Variants in OTOF observed in about 807,000 individuals in gnomAD.
OTOF encodes the protein fer-1-like family member 2.
A neutral mutation model predicts 236.8 loss-of-function variants in OTOF; 218 were observed. That is an observed-to-expected ratio of 0.92 (90% confidence interval 0.82 to 1.03). The LOEUF is 1.03. OTOF is among the 50% of genes least tolerant of loss of function. The pLI, the probability that OTOF is intolerant of heterozygous loss-of-function variation, is 0.00. For synonymous variants in OTOF, 1,041 were observed against 1,072.5 expected, an observed-to-expected ratio of 0.97 and a Z score of 0.57; for missense variants, 2,590 against 2,694.4, an observed-to-expected ratio of 0.96 and a Z score of 0.86.
chr2:26,463,816 C>A, intron 40 of OTOF, 148 bp downstream of exon 40: 1 of 1,105,286 alleles, frequency 9.0e-7, no homozygotes, highest in South Asian at 1.3e-5. Flanking sequence ...TTCAAGTTAC[C>A]CTGAGGGGCC....
chr2:26,512,938 C>G (rs564769606), intron 5 of OTOF, among the ~76,000 whole-genome samples: 44 of 152,318 alleles, frequency 2.9e-4, no homozygotes, highest in African/African-American at 1.0e-3. Flanking sequence ...TTCCCAATAG[C>G]AGAGCTGTGA....
chr2:26,476,751 C>T (rs1161130138), intron 22 of OTOF, 140 bp downstream of exon 22: 9 of 470,044 alleles, frequency 1.9e-5, no homozygotes, highest in Admixed American at 9.8e-5. Flanking sequence ...CCTTCCCCCA[C>T]GTCCTTCCCA....
rs1483671322 is a variant in OTOF, at chr2:26,482,720, C to T, written c.1393-128G>A. 1.0e-4 allele frequency: 70 copies of T among 692,374 alleles called. No individual in the cohort carries two copies. The South Asian group carries it at 1.1e-3, about 11-fold the overall frequency. 42.9% of individuals were successfully genotyped at this position (692,374 alleles called of 1,614,324 possible). On this transcript the variant is annotated intron_variant, in intron 13 of 46. Transcript: ENST00000272371. ...GTGCATGTGTGAGTGGGTGTGCATG[C>T]GTGTGTGAGTGGATGCATGTGTGCG...
chr2:26,531,278 C>A (rs540733687), intron 2 of OTOF, among the ~76,000 whole-genome samples: 2 of 152,194 alleles, frequency 1.3e-5, no homozygotes, highest in South Asian at 2.1e-4. Context: ...CTCACGCAGA[C>A]TGGGAGTCTC....
intron 3 of OTOF, among the ~76,000 whole-genome samples, chr2:26,521,256 A>C (rs1666669678): frequency 6.6e-6 from 1 of 152,208 alleles, no homozygotes; most frequent in African/African-American, 2.4e-5. Context: ...TGATTCCCCT[A>C]GGACCTGTCG....
At chr2:26,541,367 T>C (rs1667209044) in intron 1 of OTOF, among the ~76,000 whole-genome samples, 1 of 152,208 alleles carries the variant, frequency 6.6e-6, no homozygotes, top group African/African-American at 2.4e-5. Flanking sequence ...ATTTAGGCCC[T>C]GGGGATTTAG....
intron 1 of OTOF, among the ~76,000 whole-genome samples, chr2:26,543,051 G>GGGCTT (rs1392424354): frequency 6.6e-6 from 1 of 152,192 alleles, no homozygotes; most frequent in African/African-American, 2.4e-5. Flanking sequence ...GGGCTGGGCT[G>GGGCTT]TACAAAGCTC....
intron 1 of OTOF, among the ~76,000 whole-genome samples, chr2:26,555,263 C>G (rs2148140086): frequency 6.6e-6 from 1 of 152,342 alleles, no homozygotes; most frequent in South Asian, 2.1e-4. Context: ...ATGAGGACCA[C>G]TGTCTCCATT....
intron 3 of OTOF, among the ~76,000 whole-genome samples, chr2:26,519,631 G>A (rs975238264): frequency 6.6e-6 from 1 of 152,226 alleles, no homozygotes; most frequent in African/African-American, 2.4e-5. Flanking sequence ...TGCACAGCAG[G>A]GGAGAGGCGG....
At chr2:26,520,467 A>T (rs11901798) in intron 3 of OTOF, among the ~76,000 whole-genome samples, 5,005 of 152,278 alleles carry the variant, frequency 0.033, 106 homozygotes, top group Middle Eastern at 0.054. Flanking sequence ...AGGGGCAGCC[A>T]TGAGGAATGG....
intron 2 of OTOF, among the ~76,000 whole-genome samples, chr2:26,530,086 C>A (rs781264355): frequency 2.6e-5 from 4 of 151,704 alleles, no homozygotes; most frequent in African/African-American, 9.7e-5. Flanking sequence ...CAGGAGCCAC[C>A]GAGATTTGGT....
In OTOF at chr2:26,466,399, T is replaced by A. The variant is rs1664728299; in HGVS notation, c.4500+315A>T. On this transcript the variant is annotated intron_variant, in intron 36 of 46. Transcript: ENST00000272371. ...TCTCCCAGGCTGGAGTGCAATGACG[T>A]GATCTCAGCTCACTGCAAGCTCCAC... The A allele has an allele frequency of 7.9e-6, 4 of 506,464 alleles. No homozygotes were observed. The South Asian group carries it at 8.1e-5, about 10-fold the overall frequency. 31.4% of individuals were successfully genotyped at this position (506,464 alleles called of 1,614,324 possible). A position where few individuals can be genotyped will look rare whatever the true frequency, so the allele number is the denominator to read the frequency against.
intron 2 of OTOF, among the ~76,000 whole-genome samples, chr2:26,531,274 C>A (rs2148116404): frequency 6.6e-6 from 1 of 152,340 alleles, no homozygotes; most frequent in East Asian, 1.9e-4. Flanking sequence ...GTATCTCACG[C>A]AGACTGGGAG....
chr2:26,466,268 AGAT>A (rs1162786514), intron 36 of OTOF, 192 bp from the exon 37 acceptor site: 10 of 668,454 alleles, frequency 1.5e-5, no homozygotes, highest in Non-Finnish European at 2.6e-5. Flanking sequence ...CCTCTAGAAA[AGAT>A]AAAGACTAGA....
Position 26,477,566 on chromosome 2 carries a change from T to C in OTOF, c.2316-60A>G. 6.3e-7 allele frequency: 1 copy of C among 1,596,004 alleles called. No homozygotes were observed. Among genetic ancestry groups the C allele is most frequent in the South Asian group, 1.1e-5 (1 of 89,758 alleles). On this transcript the variant is annotated intron_variant, in intron 19 of 46. Coordinates refer to ENST00000272371, the MANE Select transcript of OTOF (RefSeq NM_194248.3). The surrounding 1 kb of genome is among the most constrained non-coding windows in gnomAD (Gnocchi z 4.7). ...GACCAGCAGGGGCTCTGTAGATTCT[T>C]CCTCATCTGCCCAGCCCTGGCAGGG... is the stretch of plus-strand genomic sequence containing the variant.
intron 13 of OTOF, among the ~76,000 whole-genome samples, chr2:26,482,915 G>A (rs1340135347): frequency 5.3e-5 from 8 of 151,132 alleles, no homozygotes; most frequent in East Asian, 3.9e-4. Context: ...GTGCATGTGT[G>A]CGTGTGAGTG....
At chr2:26,552,805 G>C (rs529633303) in intron 1 of OTOF, among the ~76,000 whole-genome samples, 3 of 152,224 alleles carry the variant, frequency 2.0e-5, no homozygotes, top group African/African-American at 7.2e-5. Flanking sequence ...AAAAGCGCAG[G>C]GCTGTGTCCA....
At chr2:26,483,389 C>A in intron 13 of OTOF, 73 bp downstream of exon 13, 1 of 1,392,918 alleles carries the variant, frequency 7.2e-7, no homozygotes. Flanking sequence ...CTGCCCCAGG[C>A]CCCACACCCA....
intron 3 of OTOF, among the ~76,000 whole-genome samples, chr2:26,527,069 GAA>G (rs1265903344): frequency 5.9e-5 from 9 of 152,208 alleles, no homozygotes; most frequent in Non-Finnish European, 8.8e-5. Context: ...GGCCCAGAGA[GAA>G]GGATGACAAC....
Sources: allele counts gnomAD v4.1 joint callset (sites outside exome capture counted in the v4.1 genomes callset), GRCh38; gene constraint gnomAD v4.1.1; non-coding constraint Gnocchi (gnomAD v3.1); transcripts MANE v1.5; gene names NCBI Gene and HGNC (gene_info 2026-07-23, HGNC 2026-07-21).